The following ARHGAP15 variants were observed in gnomAD, a reference collection of about 807,000 sequenced individuals.
The protein encoded by ARHGAP15 is rho GTPase-activating protein 15.
ARHGAP15 carries 51 observed loss-of-function variants against 63.7 expected under a neutral mutation model. The ratio of observed to expected loss-of-function variants is 0.80; its 90% CI spans 0.64 to 1.01. The LOEUF (loss-of-function observed/expected upper bound fraction) is 1.01. Ranked by LOEUF, ARHGAP15 falls within the 50% of genes least tolerant of loss-of-function variation. ARHGAP15 has a pLI of 0.00. For missense variants in ARHGAP15, 560 were observed against 564.6 expected (o/e 0.99, Z 0.08); for synonymous variants, 191 against 193.8 (o/e 0.99, Z 0.12).
chr2:143,645,112 T>C (rs1277639292), intron 12 of ARHGAP15, among the ~76,000 whole-genome samples: 2 of 152,050 alleles, frequency 1.3e-5, no homozygotes, highest in African/African-American at 4.8e-5. Flanking sequence ...CATTAAGAAA[T>C]AATCAAAAAT....
intron 10 of ARHGAP15, among the ~76,000 whole-genome samples, chr2:143,547,414 G>A (rs1042525633): frequency 6.6e-6 from 1 of 151,694 alleles, no homozygotes; most frequent in African/African-American, 2.4e-5. Context: ...CATTTTAAAG[G>A]TGGGAATTAA....
At chr2:143,445,448 G>A (rs924425894) in intron 8 of ARHGAP15, among the ~76,000 whole-genome samples, 8 of 151,864 alleles carry the variant, frequency 5.3e-5, no homozygotes, top group Admixed American at 1.3e-4. Flanking sequence ...GGCGTGAGCC[G>A]CTGCACCCAG....
chr2:143,394,480 C>T (rs1687673253), intron 6 of ARHGAP15, among the ~76,000 whole-genome samples: 1 of 152,112 alleles, frequency 6.6e-6, no homozygotes, highest in South Asian at 2.1e-4. Flanking sequence ...ATTACAGATG[C>T]CTTATACCCT....
chr2:143,165,958 GAGAGAA>G (rs1558787541), intron 2 of ARHGAP15, among the ~76,000 whole-genome samples: 2 of 109,338 alleles, frequency 1.8e-5, no homozygotes, highest in Non-Finnish European at 1.9e-5. Flanking sequence ...AAGAAAGAAA[GAGAGAA>G]AGAAAGAAAG....
At chr2:143,301,118 TATGA>T (rs955957040) in intron 6 of ARHGAP15, among the ~76,000 whole-genome samples, 4 of 151,818 alleles carry the variant, frequency 2.6e-5, no homozygotes, top group African/African-American at 9.7e-5. Context: ...AAGAGGCAAA[TATGA>T]ATGAGATGTT....
chr2:143,607,003 T>A (rs1344443808), intron 11 of ARHGAP15: 1 of 152,260 alleles, frequency 6.6e-6, no homozygotes, highest in Non-Finnish European at 1.5e-5. Flanking sequence ...TATATGCAAT[T>A]CGTATCTACA....
chr2:143,304,585 C>T (rs1683080523), intron 6 of ARHGAP15, among the ~76,000 whole-genome samples: 1 of 152,018 alleles, frequency 6.6e-6, no homozygotes, highest in African/African-American at 2.4e-5. Context: ...CACATGTACC[C>T]TACAACTTAA....
At chr2:143,767,965 A>ATTTTTTTTT in intron 13 of ARHGAP15, 24 bp from the exon 14 acceptor site, 1 of 1,582,950 alleles carries the variant, frequency 6.3e-7, no homozygotes, top group Non-Finnish European at 8.6e-7. Context: ...CAGTGAAATT[A>ATTTTTTTTT]TTTTTTTTTC....
chr2:143,141,829 C>A (rs1184720322), intron 1 of ARHGAP15, among the ~76,000 whole-genome samples: 1 of 152,106 alleles, frequency 6.6e-6, no homozygotes, highest in Non-Finnish European at 1.5e-5. Flanking sequence ...CACCATTCAA[C>A]CCATACATCA....
At chr2:143,556,959 T>C (rs113362451) in intron 11 of ARHGAP15, among the ~76,000 whole-genome samples, 2,187 of 152,196 alleles carry the variant, frequency 0.014, 15 homozygotes, top group Non-Finnish European at 0.024. Context: ...GAGATACCAC[T>C]ACACACCTGT....
intron 10 of ARHGAP15, among the ~76,000 whole-genome samples, chr2:143,524,912 A>G (rs1278733274): frequency 1.3e-5 from 2 of 152,348 alleles, no homozygotes; most frequent in East Asian, 3.9e-4. Context: ...CCCATTGTAC[A>G]GTATAGTAGC....
intron 8 of ARHGAP15, among the ~76,000 whole-genome samples, chr2:143,470,395 C>G (rs536075468): frequency 6.6e-6 from 1 of 151,202 alleles, no homozygotes; most frequent in African/African-American, 2.4e-5. Context: ...TCATCAGTTC[C>G]CTTCTTCATA....
chr2:143,578,458 G>C (rs1696760478), intron 11 of ARHGAP15, among the ~76,000 whole-genome samples: 1 of 152,114 alleles, frequency 6.6e-6, no homozygotes, highest in African/African-American at 2.4e-5. Flanking sequence ...ATCTTGCCAA[G>C]ACCTGATAGC....
At chr2:143,623,319 T>C (rs1344621267) in intron 11 of ARHGAP15, among the ~76,000 whole-genome samples, 1 of 152,202 alleles carries the variant, frequency 6.6e-6, no homozygotes, top group East Asian at 1.9e-4. Context: ...TATTAAAACC[T>C]TCATTTTGGG....
intron 6 of ARHGAP15, among the ~76,000 whole-genome samples, chr2:143,340,065 A>T (rs891666017): frequency 6.6e-6 from 1 of 152,202 alleles, no homozygotes; most frequent in African/African-American, 2.4e-5. Flanking sequence ...TGTTTAAAAC[A>T]TACTGCTCAT....
chr2:143,602,565 G>T (rs1697816631), intron 11 of ARHGAP15, among the ~76,000 whole-genome samples: 1 of 152,036 alleles, frequency 6.6e-6, no homozygotes, highest in South Asian at 2.1e-4. Flanking sequence ...TGGTGAACTG[G>T]GAAGAGTAGA....
intron 13 of ARHGAP15, among the ~76,000 whole-genome samples, chr2:143,764,229 T>C (rs1377112271): frequency 6.6e-6 from 1 of 152,160 alleles, no homozygotes; most frequent in Admixed American, 6.5e-5. Flanking sequence ...TTAGGTAATT[T>C]GCATTCGCAG....
At chr2:143,146,020 T>C (rs1689573593) in intron 1 of ARHGAP15, among the ~76,000 whole-genome samples, 2 of 151,796 alleles carry the variant, frequency 1.3e-5, no homozygotes, top group Admixed American at 1.3e-4. Flanking sequence ...GAGGAAATCA[T>C]GGGAATAGTC....
At chr2:143,250,271 T>G (rs1328741261) in intron 5 of ARHGAP15, among the ~76,000 whole-genome samples, 1 of 152,070 alleles carries the variant, frequency 6.6e-6, no homozygotes, top group African/African-American at 2.4e-5. Context: ...ATTCTAGATA[T>G]TAATTTTTCC....
Sources: gnomAD v4.1 joint callset for allele counts (sites outside exome capture counted in the v4.1 genomes callset) on GRCh38, gnomAD v4.1.1 for gene constraint, MANE v1.5 for transcripts, NCBI Gene and HGNC (gene_info 2026-07-23, HGNC 2026-07-21) for gene names.